The following MUS81 variants were observed in gnomAD, a reference collection of about 807,000 sequenced individuals.
MUS81 encodes MUS81 structure-specific endonuclease subunit, also known as structure-specific endonuclease subunit MUS81.
Under a neutral mutation model 74.2 loss-of-function variants are expected in MUS81, and 69 were observed. That is an observed-to-expected ratio of 0.93 (90% confidence interval 0.77 to 1.14). The LOEUF (loss-of-function observed/expected upper bound fraction) is 1.14. MUS81 is among the 50% of genes most tolerant of loss of function. The pLI is 0.00. For missense variants in MUS81, 711 were observed against 726.5 expected (o/e 0.98, Z 0.25); for synonymous variants, 303 against 300.6 (o/e 1.01, Z -0.08).
rs1452299102 is a variant in MUS81 at position 65,864,316 on chromosome 11, A to G, written c.1060-181A>G. On this transcript the variant is annotated intron_variant, in intron 10 of 15. Transcript: ENST00000308110. ...AGATGGAGAAAAGGCTTTCTAGACAAGAGTGTCAGCATGAGCAAAGCTGCG... is the reference window on the plus strand; with the variant it reads ...AGATGGAGAAAAGGCTTTCTAGACAGGAGTGTCAGCATGAGCAAAGCTGCG... The G allele has an allele frequency of 1.8e-5, 11 of 628,134 alleles. No homozygotes were observed. The Admixed American group carries it at 2.1e-4, about 12-fold the overall frequency. The allele number at this position is 628,134 out of a possible 1,614,324, so 38.9% of individuals were successfully genotyped here. A position where few individuals can be genotyped will look rare whatever the true frequency, so the allele number is the denominator to read the frequency against.
chr11:65,864,608 A>G lies in MUS81; in HGVS notation c.1171A>G (p.Thr391Ala). The change falls in exon 11 of 16, where the codon ACT (threonine) becomes GCT (alanine). Residue 391 changes from threonine (T) to alanine (A), a missense_variant. Transcript: ENST00000308110. ...ESTLLQAVTN[T>A]QVIDGFFVKR... ...CACACTGCTGCAGGCTGTCACCAAC[A>G]CTCAGGTGAGCTGGGAGGGCAGGGC... 6.2e-7 allele frequency: 1 copy of G among 1,613,676 alleles called. No homozygotes were observed. Among genetic ancestry groups the G allele is most frequent in the Non-Finnish European group, 8.5e-7 (1 of 1,179,808 alleles).
At chr11:65,865,702 C>A in intron 14 of MUS81, 109 bp from the exon 15 acceptor site, 1 of 1,111,934 alleles carries the variant, frequency 9.0e-7, no homozygotes, top group Non-Finnish European at 1.3e-6. Context: ...GGAAGTGGGG[C>A]AGTGTCCCAA....
At position 65,861,058 on chromosome 11, in the gene MUS81, G is replaced by A; in HGVS notation, c.221G>A (p.Cys74Tyr). 6.2e-7 allele frequency: 1 copy of A among 1,612,632 alleles called. No homozygotes were observed. The highest frequency in any genetic ancestry group is 8.5e-7 in the Non-Finnish European group (1 of 1,179,964). ...CTACAGCACTTCGGAGACGGGCTCT[G>A]CCGGATGCTGGACGAGCGGCTGCAG... ...KILQHFGDGL[C>Y]RMLDERLQRH... The change falls in exon 2 of 16, where the codon TGC becomes TAC. Residue 74 changes from cysteine (C) to tyrosine (Y), a missense_variant. Cys to Tyr is a radical substitution (Grantham distance 194). Transcript: ENST00000308110.
In MUS81 at chr11:65,860,666, C is replaced by G. The variant is rs1406649508; in HGVS notation, c.-88C>G. The G allele has an allele frequency of 6.6e-7, 1 of 1,521,218 alleles. No individual in the cohort carries two copies. Among genetic ancestry groups the G allele is most frequent in the South Asian group, 1.2e-5 (1 of 83,492 alleles). The allele number at this position is 1,521,218 out of a possible 1,614,324, so 94.2% of individuals were successfully genotyped here. A position where few individuals can be genotyped will look rare whatever the true frequency, so the allele number is the denominator to read the frequency against. ...GGTCTCCCTCTTCCCCCGCCCCGCC[C>G]TGGGCCAGGTGTTCGAATCCCGACT... On this transcript the variant is annotated 5_prime_UTR_variant, in exon 1 of 16. Transcript: ENST00000308110.
chr11:65,864,806 ACT>A lies in MUS81; in HGVS notation c.1266_1267del (p.Tyr423ProfsTer17), dbSNP rs1294301437. 4 of 1,612,702 alleles carry A rather than the reference ACT, an allele frequency of 2.5e-6. No homozygotes were observed. The highest frequency in any genetic ancestry group is 3.4e-6 in the Non-Finnish European group (4 of 1,179,848). Reference sequence around the variant, plus strand: ...CCCTCTTGACGCGGGGCCTGCAGAGACTCTACCAGGTGAGCAGAGGCCCCTTT... The same window carrying A: ...CCCTCTTGACGCGGGGCCTGCAGAGACTACCAGGTGAGCAGAGGCCCCTTT... ...LALLTRGLQR[L>X]YQGHTLRSRP... On this transcript the variant is annotated frameshift_variant, in exon 12 of 16. Coordinates refer to ENST00000308110, the MANE Select transcript of MUS81 (RefSeq NM_025128.5). LOFTEE classifies it high-confidence loss of function.
chr11:65,863,393 C>G lies in MUS81; in HGVS notation c.747-17C>G, dbSNP rs752005431. 3.7e-5 allele frequency: 60 copies of G among 1,613,750 alleles called. No homozygotes were observed. The highest frequency in any genetic ancestry group is 4.7e-5 in the Non-Finnish European group (55 of 1,179,926). On this transcript the variant is annotated splice_polypyrimidine_tract_variant and intron_variant, in intron 7 of 15. Coordinates refer to ENST00000308110, the MANE Select transcript of MUS81 (RefSeq NM_025128.5). ...CACAAGGGGTTCTGGCCTCACATAC[C>G]AACACCCCCCACTTAGTGCCAGTGA...
rs567578262 is a variant in MUS81, at chr11:65,865,146, G to T, written c.1401+1G>T. On this transcript the variant is annotated splice_donor_variant, in intron 13 of 15. Transcript: ENST00000308110. LOFTEE classifies it high-confidence loss of function. ...CAACGCAGGAGCCATCAAGAATAAG[G>T]TACTGTCTCTGCCTAGCTTCTCAGA... 23 of 1,614,192 alleles carry T rather than the reference G, an allele frequency of 1.4e-5. No individual in the cohort carries two copies. The African/African-American group carries it at 2.5e-4, about 18-fold the overall frequency.
intron 1 of MUS81, 33 bp downstream of exon 1, chr11:65,860,921 G>T: frequency 6.2e-7 from 1 of 1,605,670 alleles, no homozygotes; most frequent in Non-Finnish European, 8.5e-7. Context: ...GGGAAAAGCT[G>T]CTGGCCAGGT....
At position 65,863,645 on chromosome 11, in the gene MUS81, C is replaced by T. The variant is rs751310933; in HGVS notation, c.885C>T (p.His295=). The T allele has an allele frequency of 2.5e-6, 4 of 1,613,914 alleles. No individual in the cohort carries two copies. Among genetic ancestry groups the T allele is most frequent in the South Asian group, 2.2e-5 (2 of 91,076 alleles). ...TGCTCCGAGAGCTACAGCGGCTGCA[C>T]GTGACCCACACGGTGCGCAAGCTGC... ...PELLRELQRL[H]VTHTVRKLHV... is the part of the protein sequence containing the mutation. The change falls in exon 9 of 16, where the codon CAC becomes CAT. Residue 295 remains histidine (H), a synonymous_variant. Transcript: ENST00000308110.
chr11:65,860,675 G>T lies in MUS81; in HGVS notation c.-79G>T. Reference sequence around the variant, plus strand: ...CTTCCCCCGCCCCGCCCTGGGCCAGGTGTTCGAATCCCGACTCCAGAACTG... The same window carrying T: ...CTTCCCCCGCCCCGCCCTGGGCCAGTTGTTCGAATCCCGACTCCAGAACTG... On this transcript the variant is annotated 5_prime_UTR_variant, in exon 1 of 16. Coordinates refer to ENST00000308110, the MANE Select transcript of MUS81 (RefSeq NM_025128.5). 1 of 1,526,512 alleles carries T rather than the reference G, an allele frequency of 6.6e-7. No homozygotes were observed. Among genetic ancestry groups the T allele is most frequent in the Non-Finnish European group, 8.8e-7 (1 of 1,140,470 alleles). 94.6% of individuals were successfully genotyped at this position (1,526,512 alleles called of 1,614,324 possible).
chr11:65,860,412 C>T (rs555448555), upstream of MUS81: 30 of 503,536 alleles, frequency 6.0e-5, no homozygotes, highest in African/African-American at 5.6e-4. Flanking sequence ...TACACAAAGA[C>T]CCCGCTCTCG....
Position 65,863,734 on chromosome 11 carries a change from G to A in MUS81, c.961+13G>A. On this transcript the variant is annotated intron_variant, in intron 9 of 15. Transcript: ENST00000308110. ...CCTAGAGACCCAGGTGAAGGGCCGT[G>A]GACAGGCTGGCACCAGGGGCAGGGC... The A allele has an allele frequency of 6.2e-7, 1 of 1,614,116 alleles. No individual in the cohort carries two copies. The highest frequency in any genetic ancestry group is 2.2e-5 in the East Asian group (1 of 44,880).
Position 65,864,745 on chromosome 11 carries a change from G to A in MUS81, c.1202G>A (p.Arg401His), listed in dbSNP as rs765092249. ...GTCATTGATGGCTTTTTTGTGAAGCGCACAGCAGACATTAAGGAGTCAGCC... is the reference window on the plus strand; with the variant it reads ...GTCATTGATGGCTTTTTTGTGAAGCACACAGCAGACATTAAGGAGTCAGCC... Reference protein sequence around the residue: ...TQVIDGFFVKRTADIKESAAY... With the variant: ...TQVIDGFFVKHTADIKESAAY... The change falls in exon 12 of 16, where the codon CGC (arginine) becomes CAC (histidine). Residue 401 changes from arginine (R) to histidine (H), a missense_variant. Arg to His is a conservative substitution (Grantham distance 29, BLOSUM62 0). Transcript: ENST00000308110. The A allele has an allele frequency of 5.6e-6, 9 of 1,614,000 alleles. No homozygotes were observed. Among genetic ancestry groups the A allele is most frequent in the Middle Eastern group, 1.6e-4 (1 of 6,062 alleles).
rs1490223314 is a variant in MUS81 at position 65,864,810 on chromosome 11, T to C, written c.1267T>C (p.Tyr423His). 6.2e-7 allele frequency: 1 copy of C among 1,612,580 alleles called. No individual in the cohort carries two copies. The highest frequency in any genetic ancestry group is 8.5e-7 in the Non-Finnish European group (1 of 1,179,736). ...CTTGACGCGGGGCCTGCAGAGACTCTACCAGGTGAGCAGAGGCCCCTTTCC... is the reference window on the plus strand; with the variant it reads ...CTTGACGCGGGGCCTGCAGAGACTCCACCAGGTGAGCAGAGGCCCCTTTCC... The part of the protein sequence containing the change: ...ALLTRGLQRL[Y>H]QGHTLRSRPW... Residue 423 changes from tyrosine (Y) to histidine (H), a missense_variant, in exon 12 of 16, where the codon TAC becomes CAC. Physicochemically the swap from Tyr to His is moderately conservative, Grantham distance 83. Coordinates refer to ENST00000308110, the MANE Select transcript of MUS81 (RefSeq NM_025128.5).
chr11:65,865,506 CAGGTAG>C (rs1203922918), intron 14 of MUS81, 183 bp downstream of exon 14: 1 of 679,974 alleles, frequency 1.5e-6, no homozygotes, highest in East Asian at 2.7e-5. Flanking sequence ...CATAGTGTCC[CAGGTAG>C]TGGAGGCCAC....
intron 2 of MUS81, 103 bp from the exon 3 acceptor site, chr11:65,861,247 C>T (rs1466813472): frequency 2.0e-6 from 3 of 1,532,280 alleles, no homozygotes; most frequent in Non-Finnish European, 2.7e-6. Flanking sequence ...GCTCCCTGAG[C>T]CTCCCTCACC....
chr11:65,863,578 G>C, intron 8 of MUS81, 22 bp from the exon 9 acceptor site: 1 of 1,613,956 alleles, frequency 6.2e-7, no homozygotes, highest in Non-Finnish European at 8.5e-7. Flanking sequence ...TCTGATCTAG[G>C]CTTCCCTCCT....
At chr11:65,860,155 T>C (rs631101), upstream of MUS81, 5,237 of 432,250 alleles carry the variant, frequency 0.012, 246 homozygotes, top group African/African-American at 0.097. Flanking sequence ...CTTACCTTTG[T>C]GTCCTCATCC....
At chr11:65,861,558 A>T (rs1353644421) in intron 3 of MUS81, 123 bp downstream of exon 3, 1 of 737,604 alleles carries the variant, frequency 1.4e-6, no homozygotes, top group African/African-American at 1.8e-5. Flanking sequence ...TGAGCAAATG[A>T]CTTATCCTCT....
Sources: gnomAD v4.1 joint callset for allele counts on GRCh38, gnomAD v4.1.1 for gene constraint, MANE v1.5 for transcripts, NCBI Gene and HGNC (gene_info 2026-07-23, HGNC 2026-07-21) for gene names.